The following TRPV5 variants were observed in gnomAD, a reference collection of about 807,000 sequenced individuals.
The protein encoded by TRPV5 is calcium transport protein 2.
In TRPV5, 66 loss-of-function variants were observed where a neutral mutation model predicts 74.1. The ratio of observed to expected loss-of-function variants is 0.89; its 90% CI spans 0.73 to 1.09. TRPV5 has a LOEUF of 1.09. Among genes scored for constraint, TRPV5 ranks in the 50% least tolerant of loss-of-function variants. TRPV5 has a pLI of 0.00. For synonymous variants in TRPV5, 399 were observed against 360.7 expected (o/e 1.11, Z -1.20); for missense variants, 936 against 930.4 (o/e 1.01, Z -0.08).
At chr7:142,925,019 A>G (rs1289872569) in intron 8 of TRPV5, 1 of 176,622 alleles carries the variant, frequency 5.7e-6, no homozygotes, top group African/African-American at 2.4e-5. Flanking sequence ...CCTGATACCC[A>G]ATCCAGACAT....
At chr7:142,919,962 C>T (rs942524841) in intron 8 of TRPV5, among the ~76,000 whole-genome samples, 1 of 152,224 alleles carries the variant, frequency 6.6e-6, no homozygotes, top group Non-Finnish European at 1.5e-5. Flanking sequence ...AGAGAAAGCT[C>T]TGCTAGCTCT....
chr7:142,915,747 A>G (rs1424382106), intron 8 of TRPV5, among the ~76,000 whole-genome samples, 179 bp from the exon 9 acceptor site: 1 of 152,210 alleles, frequency 6.6e-6, no homozygotes, highest in Non-Finnish European at 1.5e-5. Context: ...ACAGGAGTCT[A>G]TGTATCCAAG....
rs779899313 is a variant in TRPV5, at chr7:142,933,495, T to C, written c.-36A>G. 110 of 1,601,296 alleles carry C rather than the reference T, an allele frequency of 6.9e-5. No individual in the cohort carries two copies. The highest frequency in any genetic ancestry group is 1.7e-4 in the Middle Eastern group (1 of 6,006). ...TGCAGACACTGGCAGATTATAGAAATGTGGCGAAAGAAACAGGTCTAGGAT... is the reference window on the plus strand; with the variant it reads ...TGCAGACACTGGCAGATTATAGAAACGTGGCGAAAGAAACAGGTCTAGGAT... On this transcript the variant is annotated 5_prime_UTR_variant, in exon 1 of 15. Transcript: ENST00000265310.
At position 142,929,504 on chromosome 7, in the gene TRPV5, G is replaced by T. The variant is rs764640733; in HGVS notation, c.411C>A (p.Leu137=). ...TGGCAGAGACACTGGCCCTGCGGGTGAGCAGGGCACGCACCAGGTTCACAT... is the reference window on the plus strand; with the variant it reads ...TGGCAGAGACACTGGCCCTGCGGGTTAGCAGGGCACGCACCAGGTTCACAT... ...NQNVNLVRAL[L]TRRASVSARA... is the part of the protein sequence containing the mutation. The change falls in exon 4 of 15, where the codon CTC becomes CTA. Residue 137 remains leucine (L), a synonymous_variant. Transcript: ENST00000265310. The T allele has an allele frequency of 1.2e-6, 2 of 1,614,156 alleles. No individual in the cohort carries two copies. The highest frequency in any genetic ancestry group is 1.1e-5 in the South Asian group (1 of 91,080).
chr7:142,912,764 G>A lies in TRPV5; in HGVS notation c.1520-14C>T, dbSNP rs752220458. 13 of 1,610,256 alleles carry A rather than the reference G, an allele frequency of 8.1e-6. No individual in the cohort carries two copies. Among genetic ancestry groups the A allele is most frequent in the South Asian group, 1.1e-5 (1 of 90,932 alleles). ...TGATATAGAACGCTGCTCCGCCCAG[G>A]AAGAGGACATGGAGATGGGATAATG... On this transcript the variant is annotated splice_polypyrimidine_tract_variant and intron_variant, in intron 12 of 14. Coordinates refer to ENST00000265310, the MANE Select transcript of TRPV5 (RefSeq NM_019841.7).
chr7:142,908,295 T>A lies in TRPV5; in HGVS notation c.*219A>T, dbSNP rs1347549323. The A allele has an allele frequency of 6.7e-6, 4 of 597,180 alleles. No homozygotes were observed. Among genetic ancestry groups the A allele is most frequent in the Non-Finnish European group, 1.2e-5 (4 of 342,334 alleles). The allele number at this position is 597,180 out of a possible 1,614,324, so 37.0% of individuals were successfully genotyped here. A position where few individuals can be genotyped will look rare whatever the true frequency, so the allele number is the denominator to read the frequency against. ...CTCCTTTTTCCTGAGATGGGTGACT[T>A]GCAAGAGCCCAGAAAATACGTGAGA... is the stretch of plus-strand genomic sequence containing the variant. On this transcript the variant is annotated 3_prime_UTR_variant, in exon 15 of 15. Coordinates refer to ENST00000265310, the MANE Select transcript of TRPV5 (RefSeq NM_019841.7).
intron 4 of TRPV5, 54 bp from the exon 5 acceptor site, chr7:142,929,174 G>A: frequency 6.3e-7 from 1 of 1,591,404 alleles, no homozygotes; most frequent in East Asian, 2.3e-5. Context: ...AGGATGGGGT[G>A]GGCAGTCTCC....
intron 8 of TRPV5, among the ~76,000 whole-genome samples, chr7:142,917,287 A>C (rs1795818783): frequency 1.3e-5 from 2 of 152,196 alleles, no homozygotes; most frequent in African/African-American, 4.8e-5. Flanking sequence ...AATAACAAAT[A>C]CATTACTTCA....
chr7:142,913,724 C>T (rs144833864), intron 12 of TRPV5, among the ~76,000 whole-genome samples: 111 of 152,254 alleles, frequency 7.3e-4, no homozygotes, highest in African/African-American at 2.6e-3. Context: ...TTGTGGGAAT[C>T]CCCATTGAAC....
chr7:142,912,788 T>C (rs746186540), intron 12 of TRPV5, 38 bp from the exon 13 acceptor site: 2 of 1,598,684 alleles, frequency 1.3e-6, no homozygotes, highest in South Asian at 1.1e-5. Flanking sequence ...GATGGGATAA[T>C]GGAGTTATCA....
chr7:142,921,149 G>A (rs959336724), intron 8 of TRPV5, among the ~76,000 whole-genome samples: 3 of 152,198 alleles, frequency 2.0e-5, no homozygotes, highest in African/African-American at 7.2e-5. Flanking sequence ...TAGATCCCAC[G>A]GACTGTGATA....
chr7:142,917,514 C>T (rs938565800), intron 8 of TRPV5, among the ~76,000 whole-genome samples: 1 of 152,188 alleles, frequency 6.6e-6, no homozygotes, highest in Non-Finnish European at 1.5e-5. Context: ...GGAGTCACAG[C>T]AGCCATTCCT....
intron 6 of TRPV5, 59 bp from the exon 7 acceptor site, chr7:142,928,293 C>T (rs1796022850): frequency 6.3e-7 from 1 of 1,593,288 alleles, no homozygotes; most frequent in Admixed American, 1.7e-5. Flanking sequence ...TCGAGGAGAA[C>T]AACTCCATTG....
chr7:142,931,900 G>C (rs1310910715), intron 1 of TRPV5, among the ~76,000 whole-genome samples: 4 of 151,818 alleles, frequency 2.6e-5, no homozygotes, highest in African/African-American at 9.7e-5. Flanking sequence ...CGGGGTTTCA[G>C]CATGTTGGCC....
intron 1 of TRPV5, among the ~76,000 whole-genome samples, chr7:142,931,549 C>T (rs1329738407): frequency 1.3e-5 from 2 of 152,154 alleles, no homozygotes; most frequent in African/African-American, 4.8e-5. Flanking sequence ...GCCTCTCCAA[C>T]TAGACATATG....
At position 142,931,463 on chromosome 7, in the gene TRPV5, A is replaced by G. The variant is rs190024598; in HGVS notation, c.129-1017T>C. The stretch of plus-strand genomic sequence containing the variant: ...GTCTCAAGGCAAAACAGGTTGAGAT[A>G]CTCATTCTACAGGACCTCTGTTAAT... On this transcript the variant is annotated intron_variant, in intron 1 of 14. Transcript: ENST00000265310. 2.0e-5 allele frequency among the ~76,000 whole-genome samples: 3 copies of G among 152,234 alleles called. No individual in the cohort carries two copies. In the East Asian group the frequency reaches 5.8e-4, roughly 29 times the overall value.
intron 14 of TRPV5, 92 bp downstream of exon 14, chr7:142,909,398 G>A (rs779680639): frequency 1.5e-6 from 2 of 1,359,032 alleles, no homozygotes; most frequent in Non-Finnish European, 2.1e-6. Context: ...CCCCTAGACA[G>A]GCTAATGTAG....
chr7:142,929,384 C>A, intron 4 of TRPV5, 44 bp downstream of exon 4: 1 of 1,600,050 alleles, frequency 6.2e-7, no homozygotes, highest in Non-Finnish European at 8.5e-7. Context: ...CTGCCTTGCC[C>A]GCCTCTCCAG....
At chr7:142,916,919 A>T (rs932751817) in intron 8 of TRPV5, among the ~76,000 whole-genome samples, 67 of 152,048 alleles carry the variant, frequency 4.4e-4, no homozygotes, top group Admixed American at 4.4e-3. Flanking sequence ...TGGCTTAAAA[A>T]ATGGTATGCT....
Sources: gnomAD v4.1 joint callset for allele counts (sites outside exome capture counted in the v4.1 genomes callset) on GRCh38, gnomAD v4.1.1 for gene constraint, MANE v1.5 for transcripts, NCBI Gene and HGNC (gene_info 2026-07-23, HGNC 2026-07-21) for gene names.